PRR16: variants seen among roughly 807,000 people sequenced by gnomAD.
The protein encoded by PRR16 is protein Largen.
A neutral mutation model predicts 18.2 loss-of-function variants in PRR16; 6 were observed. The observed-to-expected ratio is 0.33, with a 90% CI of 0.18 to 0.65. The LOEUF (loss-of-function observed/expected upper bound fraction) is 0.65, where lower values mean the gene tolerates loss of function less well. Among genes scored for constraint, PRR16 ranks in the 30% least tolerant of loss-of-function variants. The pLI is 0.74. For synonymous variants in PRR16, 151 were observed against 147.8 expected (o/e 1.02, Z -0.16); for missense variants, 412 against 376.6 (o/e 1.09, Z -0.78).
chr5:120,529,886 T>G (rs1258402744), intron 1 of PRR16, among the ~76,000 whole-genome samples: 1 of 151,926 alleles, frequency 6.6e-6, no homozygotes, highest in East Asian at 1.9e-4. Context: ...GACCAGAAAA[T>G]AGTAAACACA....
intron 1 of PRR16, among the ~76,000 whole-genome samples, chr5:120,540,155 A>AT (rs1203791073): frequency 1.3e-5 from 2 of 152,050 alleles, no homozygotes; most frequent in African/African-American, 2.4e-5. Context: ...TTATTTATTT[A>AT]TTTTTTAAAT....
At chr5:120,510,576 G>A (rs1750795548) in intron 1 of PRR16, among the ~76,000 whole-genome samples, 1 of 152,142 alleles carries the variant, frequency 6.6e-6, no homozygotes, top group African/African-American at 2.4e-5. Context: ...ATTGTGTGAT[G>A]CTACAATTTT....
At chr5:120,787,699 A>G in the PRR16 span, among the ~76,000 whole-genome samples, 44 of 152,230 alleles carry the variant, frequency 2.9e-4, no homozygotes, top group African/African-American at 1.0e-3. Flanking sequence ...AGCATCTGCA[A>G]CTGTACTCAT....
At chr5:120,517,535 G>C (rs574144725) in intron 1 of PRR16, among the ~76,000 whole-genome samples, 1 of 151,980 alleles carries the variant, frequency 6.6e-6, no homozygotes, top group Non-Finnish European at 1.5e-5. Context: ...AACATAAATC[G>C]TAAGGAAAGA....
intron 1 of PRR16, among the ~76,000 whole-genome samples, chr5:120,604,260 G>A (rs1754079136): frequency 6.6e-6 from 1 of 151,986 alleles, no homozygotes; most frequent in Non-Finnish European, 1.5e-5. Flanking sequence ...ATATTTCTAG[G>A]ATATGTAAGT....
At chr5:120,659,555 TTTATC>T (rs1416797718) in intron 1 of PRR16, among the ~76,000 whole-genome samples, 2 of 152,036 alleles carry the variant, frequency 1.3e-5, no homozygotes, top group African/African-American at 2.4e-5. Context: ...ATCTCAAACA[TTTATC>T]TTTTCTTTAT....
the PRR16 span, among the ~76,000 whole-genome samples, chr5:120,715,105 T>TA: frequency 1.5e-3 from 216 of 144,944 alleles, no homozygotes; most frequent in Non-Finnish European, 1.8e-3. Flanking sequence ...TCCCAGAACT[T>TA]AAAAAAAAAA....
At chr5:120,606,606 C>G (rs1334625280) in intron 1 of PRR16, among the ~76,000 whole-genome samples, 1 of 151,846 alleles carries the variant, frequency 6.6e-6, no homozygotes, top group Non-Finnish European at 1.5e-5. Context: ...GCTCTTAGGA[C>G]AAATGTGATA....
intron 1 of PRR16, among the ~76,000 whole-genome samples, chr5:120,487,669 A>C (rs1322891223): frequency 3.9e-5 from 6 of 152,206 alleles, no homozygotes; most frequent in Admixed American, 2.6e-4. Context: ...CACTGGTCAG[A>C]ACTTCCAACA....
At chr5:120,476,898 T>G (rs890901874) in intron 1 of PRR16, among the ~76,000 whole-genome samples, 5 of 152,188 alleles carry the variant, frequency 3.3e-5, no homozygotes, top group Admixed American at 3.3e-4. Flanking sequence ...TCCAGTCATA[T>G]CTGTACTCTC....
intron 1 of PRR16, among the ~76,000 whole-genome samples, chr5:120,466,108 T>G (rs563091874): frequency 2.6e-4 from 40 of 152,280 alleles, no homozygotes; most frequent in Middle Eastern, 3.4e-3. Context: ...GAGTGGCTGT[T>G]AGTATACATA....
At chr5:120,780,585 ATAT>A in the PRR16 span, among the ~76,000 whole-genome samples, 4 of 152,226 alleles carry the variant, frequency 2.6e-5, no homozygotes, top group Non-Finnish European at 4.4e-5. Flanking sequence ...GTATATAATA[ATAT>A]TACAATTTTT....
chr5:120,662,131 A>G (rs912754638), intron 1 of PRR16, among the ~76,000 whole-genome samples: 5 of 152,132 alleles, frequency 3.3e-5, no homozygotes, highest in African/African-American at 1.2e-4. Context: ...AATTCTGTCT[A>G]AAATAATTGG....
At chr5:120,472,993 T>A (rs1749319066) in intron 1 of PRR16, among the ~76,000 whole-genome samples, 1 of 152,160 alleles carries the variant, frequency 6.6e-6, no homozygotes, top group South Asian at 2.1e-4. Context: ...ATTTGTTTTA[T>A]TTTTTTCTTA....
intron 1 of PRR16, among the ~76,000 whole-genome samples, chr5:120,650,293 A>G (rs141942561): frequency 8.4e-4 from 128 of 151,772 alleles, no homozygotes; most frequent in African/African-American, 2.9e-3. Flanking sequence ...TCAAACTTCA[A>G]CTAGTTCAGA....
chr5:120,777,906 TGAACCA>T, the PRR16 span, among the ~76,000 whole-genome samples: 1 of 152,162 alleles, frequency 6.6e-6, no homozygotes, highest in Non-Finnish European at 1.5e-5. Context: ...AGACTCTATC[TGAACCA>T]AAAATACATT....
Position 120,686,967 on chromosome 5 carries a change from C to A in PRR16, c.*258C>A. Reference sequence around the variant, plus strand: ...CATTGTTTTTGCAATTGACCTATGACAAACTGTGAACCTGCAGATTTCACC... The same window carrying A: ...CATTGTTTTTGCAATTGACCTATGAAAAACTGTGAACCTGCAGATTTCACC... On this transcript the variant is annotated 3_prime_UTR_variant, in exon 2 of 2. Coordinates refer to ENST00000407149, the MANE Select transcript of PRR16 (RefSeq NM_001300783.2). The A allele has an allele frequency of 3.5e-6, 1 of 287,954 alleles. No homozygotes were observed. Among genetic ancestry groups the A allele is most frequent in the Non-Finnish European group, 6.3e-6 (1 of 157,686 alleles). 17.8% of individuals were successfully genotyped at this position (287,954 alleles called of 1,614,324 possible). A position where few individuals can be genotyped will look rare whatever the true frequency, so the allele number is the denominator to read the frequency against.
At chr5:120,728,087 T>G in the PRR16 span, among the ~76,000 whole-genome samples, 1 of 151,970 alleles carries the variant, frequency 6.6e-6, no homozygotes, top group African/African-American at 2.4e-5. Flanking sequence ...CATATATTGT[T>G]TGATTAAATT....
chr5:120,706,532 C>T, the PRR16 span, among the ~76,000 whole-genome samples: 1 of 152,098 alleles, frequency 6.6e-6, no homozygotes, highest in African/African-American at 2.4e-5. Flanking sequence ...ACCACTATAC[C>T]TGATCTTTGA....
Sources: allele counts gnomAD v4.1 joint callset (sites outside exome capture counted in the v4.1 genomes callset), GRCh38; gene constraint gnomAD v4.1.1; transcripts MANE v1.5; gene names NCBI Gene and HGNC (gene_info 2026-07-23, HGNC 2026-07-21).